The following CSMD2 variants were observed in gnomAD, a reference collection of about 807,000 sequenced individuals.
The protein encoded by CSMD2 is CUB and Sushi multiple domains 2.
A neutral mutation model predicts 398.5 loss-of-function variants in CSMD2; 130 were observed. The ratio of observed to expected loss-of-function variants is 0.33; its 90% CI spans 0.28 to 0.38. CSMD2 has a LOEUF of 0.38. Among genes scored for constraint, CSMD2 ranks in the 10% least tolerant of loss-of-function variants. The pLI is 1.00. For synonymous variants in CSMD2, 1,828 were observed against 1,908.5 expected, an observed-to-expected ratio of 0.96 and a Z score of 1.10; for missense variants, 3,829 against 4,764.9, an observed-to-expected ratio of 0.80 and a Z score of 5.78.
chr1:33,695,190 G>T (rs1645379131), intron 24 of CSMD2, among the ~76,000 whole-genome samples: 1 of 152,174 alleles, frequency 6.6e-6, no homozygotes, highest in South Asian at 2.1e-4. Flanking sequence ...GAACAGCATG[G>T]CAGGCTGGAG....
intron 1 of CSMD2, among the ~76,000 whole-genome samples, chr1:34,095,991 C>T (rs895806341): frequency 3.9e-5 from 6 of 152,158 alleles, no homozygotes; most frequent in Admixed American, 2.0e-4. Flanking sequence ...CCTTGATGAA[C>T]ATTGATGCAA....
rs150076388 is a variant in CSMD2, at chr1:33,584,891, G to C, written c.7052-1061C>G. On this transcript the variant is annotated intron_variant, in intron 46 of 70. Coordinates refer to ENST00000373381, the MANE Select transcript of CSMD2 (RefSeq NM_001281956.2). Reference sequence around the variant, plus strand: ...ATTGAGCTTGGAACTTAGAAAAGGAGGAGCTGGAGGAGCAGGATTCGTTAT... The same window carrying C: ...ATTGAGCTTGGAACTTAGAAAAGGACGAGCTGGAGGAGCAGGATTCGTTAT... Among the ~76,000 whole-genome samples, 1,461 of 152,170 alleles carry C rather than the reference G, an allele frequency of 9.6e-3. 22 individuals are homozygous for C. Among genetic ancestry groups the C allele is most frequent in the African/African-American group, 0.032 (1,341 of 41,476 alleles).
intron 50 of CSMD2, 25 bp downstream of exon 50, chr1:33,572,481 C>T (rs1321890316): frequency 6.5e-7 from 1 of 1,529,330 alleles, no homozygotes; most frequent in Non-Finnish European, 8.9e-7. Context: ...TTCCTTACAC[C>T]CGCCTCCATT....
Position 33,622,158 on chromosome 1 carries a change from G to A in CSMD2, c.5827+9C>T, listed in dbSNP as rs1641813673. 2 of 1,603,818 alleles carry A rather than the reference G, an allele frequency of 1.2e-6. No homozygotes were observed. The highest frequency in any genetic ancestry group is 1.7e-6 in the Non-Finnish European group (2 of 1,170,646). On this transcript the variant is annotated intron_variant, in intron 37 of 70. Transcript: ENST00000373381. ...GAACCCTGTACCAGCCAAGACCCTG[G>A]ATTCTCACTTTTGTACTCCAAGTGG...
chr1:33,522,897 T>C (rs755405234), intron 67 of CSMD2, among the ~76,000 whole-genome samples: 5 of 152,218 alleles, frequency 3.3e-5, no homozygotes, highest in African/African-American at 9.6e-5. Context: ...TCTCAAGCTG[T>C]GTTAATCACT....
intron 15 of CSMD2, among the ~76,000 whole-genome samples, chr1:33,727,286 G>T (rs622457): frequency 0.011 from 1,700 of 152,302 alleles, 26 homozygotes; most frequent in African/African-American, 0.039. Context: ...CCAAGGCAGG[G>T]AACTCCACAG....
chr1:33,727,503 C>A (rs1646575202), intron 15 of CSMD2, among the ~76,000 whole-genome samples: 1 of 152,214 alleles, frequency 6.6e-6, no homozygotes, highest in Admixed American at 6.5e-5. Flanking sequence ...GATTGGATTT[C>A]ACTGCCCACC....
intron 49 of CSMD2, among the ~76,000 whole-genome samples, chr1:33,575,181 G>A (rs1320411348): frequency 1.3e-5 from 2 of 152,214 alleles, no homozygotes; most frequent in African/African-American, 4.8e-5. Context: ...GTGGTGGAAT[G>A]AGATCTCTGA....
In CSMD2 at chr1:33,519,252, G is replaced by A. The variant is rs1274027005; in HGVS notation, c.*53+213C>T. On this transcript the variant is annotated intron_variant, in intron 70 of 70. Coordinates refer to ENST00000373381, the MANE Select transcript of CSMD2 (RefSeq NM_001281956.2). This position sits in a 1 kb window ranked among gnomAD's most constrained non-coding sequence, Gnocchi z 5.6. ...CTCATCTGTAATGGGGCTCCCACAA[G>A]CTTCTACCTCACAGGGCGTGCAGGG... Among the ~76,000 whole-genome samples the A allele has an allele frequency of 2.0e-5, 3 of 152,198 alleles. No individual in the cohort carries two copies. The highest frequency in any genetic ancestry group is 7.2e-5 in the African/African-American group (3 of 41,432).
At chr1:33,617,691 A>AGATGCTGGTGGCAGGGAGAAGGGGTGC in intron 37 of CSMD2, 74 bp from the exon 38 acceptor site, 1 of 1,116,546 alleles carries the variant, frequency 9.0e-7, no homozygotes, top group Non-Finnish European at 1.4e-6. Flanking sequence ...GGCTGGGGTG[A>AGATGCTGGTGGCAGGGAGAAGGGGTGC]GATGCTGGTG....
At chr1:33,852,401 C>G (rs1638776589) in intron 5 of CSMD2, among the ~76,000 whole-genome samples, 1 of 152,224 alleles carries the variant, frequency 6.6e-6, no homozygotes, top group Admixed American at 6.5e-5. Context: ...ATGACACACA[C>G]TTTGAGATCC....
chr1:33,713,243 T>A (rs1231164857), intron 21 of CSMD2, among the ~76,000 whole-genome samples: 107 of 152,150 alleles, frequency 7.0e-4, no homozygotes, highest in Admixed American at 6.8e-3. Context: ...GCCCGGCTCA[T>A]CTTGCCAGCC....
intron 2 of CSMD2, among the ~76,000 whole-genome samples, chr1:34,074,005 C>T (rs1191633044): frequency 5.9e-5 from 9 of 152,068 alleles, no homozygotes; most frequent in Non-Finnish European, 1.3e-4. Context: ...GGGCAGGTGC[C>T]CCACACTTAA....
At chr1:34,014,920 T>A (rs1647871625) in intron 3 of CSMD2, among the ~76,000 whole-genome samples, 1 of 152,254 alleles carries the variant, frequency 6.6e-6, no homozygotes, top group African/African-American at 2.4e-5. Context: ...AACCAGTCCA[T>A]GTGTGCCTCT....
At chr1:33,616,708 C>G (rs1313972331) in intron 39 of CSMD2, among the ~76,000 whole-genome samples, 198 bp downstream of exon 39, 1 of 152,188 alleles carries the variant, frequency 6.6e-6, no homozygotes, top group Non-Finnish European at 1.5e-5. Flanking sequence ...TTTGGTGGGG[C>G]AGAGTTTCCA....
intron 2 of CSMD2, among the ~76,000 whole-genome samples, chr1:34,065,612 T>C (rs1277821938): frequency 6.6e-6 from 1 of 152,178 alleles, no homozygotes; most frequent in Non-Finnish European, 1.5e-5. Context: ...TTGACCTCTA[T>C]AAACCTCAAT....
intron 2 of CSMD2, among the ~76,000 whole-genome samples, chr1:34,068,868 G>C (rs917455930): frequency 4.6e-5 from 7 of 152,306 alleles, no homozygotes; most frequent in African/African-American, 1.7e-4. Flanking sequence ...CTCTTTGCCT[G>C]CTGCCATCCA....
In CSMD2 at chr1:34,098,749, C is replaced by T. The variant is rs966065326; in HGVS notation, c.188-9556G>A. On this transcript the variant is annotated intron_variant, in intron 1 of 70. Transcript: ENST00000373381. ...AATTAAGTTATCTCCTCGAATCGCA[C>T]CATATACAAAAATAACTTCCAGATG... 2.6e-5 allele frequency among the ~76,000 whole-genome samples: 4 copies of T among 152,010 alleles called. No individual in the cohort carries two copies. In the East Asian group the frequency reaches 7.7e-4, roughly 29 times the overall value.
intron 13 of CSMD2, among the ~76,000 whole-genome samples, chr1:33,746,476 C>CA (rs1383587770): frequency 6.6e-6 from 1 of 152,162 alleles, no homozygotes; most frequent in African/African-American, 2.4e-5. Context: ...TCCCCACCTC[C>CA]ATCACTCTAT....
Sources: allele counts gnomAD v4.1 joint callset (sites outside exome capture counted in the v4.1 genomes callset), GRCh38; gene constraint gnomAD v4.1.1; non-coding constraint Gnocchi (gnomAD v3.1); transcripts MANE v1.5; gene names NCBI Gene and HGNC (gene_info 2026-07-23, HGNC 2026-07-21).